NRROS: variants seen among roughly 807,000 people sequenced by gnomAD.
The protein encoded by NRROS is negative regulator of reactive oxygen species, also known as transforming growth factor beta activator LRRC33.
In NRROS, 6 loss-of-function variants were observed where a neutral mutation model predicts 12.0. The observed-to-expected ratio is 0.50, with a 90% CI of 0.27 to 0.98. The LOEUF (loss-of-function observed/expected upper bound fraction) is 0.98. Ranked by LOEUF, NRROS falls within the 50% of genes least tolerant of loss-of-function variation. NRROS has a pLI of 0.11. For missense variants in NRROS, 857 were observed against 888.2 expected (o/e 0.96, Z 0.45); for synonymous variants, 462 against 410.2 (o/e 1.13, Z -1.53).
Position 196,660,313 on chromosome 3 carries a change from G to A in NRROS, c.670G>A (p.Gly224Arg), listed in dbSNP as rs761640441. ...FNNLPCIVDF[G>R]LTRLRVLNVS... ...CAACCTCCCCTGCATCGTGGACTTC[G>A]GGCTCACGCGGCTGCGGGTCCTCAA... The change falls in exon 3 of 3, where the codon GGG becomes AGG. Residue 224 changes from glycine (G) to arginine (R), a missense_variant. Transcript: ENST00000328557. The surrounding 1 kb of genome is among the most constrained non-coding windows in gnomAD (Gnocchi z 7.7). The A allele has an allele frequency of 4.3e-6, 7 of 1,613,812 alleles. No homozygotes were observed. The African/African-American group carries it at 6.7e-5, about 15-fold the overall frequency.
chr3:196,642,677 A>G (rs910991396), intron 1 of NRROS, among the ~76,000 whole-genome samples: 18 of 152,328 alleles, frequency 1.2e-4, no homozygotes, highest in African/African-American at 4.1e-4. Flanking sequence ...AGCTGGGATC[A>G]GACCCGAACA....
chr3:196,649,642 T>G lies in NRROS; in HGVS notation c.-13-4885T>G, dbSNP rs182324967. Among the ~76,000 whole-genome samples the G allele has an allele frequency of 2.0e-4, 31 of 152,214 alleles. 1 individual carries two copies. The highest frequency in any genetic ancestry group is 8.5e-4 in the Admixed American group (13 of 15,294). On this transcript the variant is annotated intron_variant, in intron 1 of 2. Coordinates refer to ENST00000328557, the MANE Select transcript of NRROS (RefSeq NM_198565.3). ...GCCCGCCACCGCGCCCGGCTAATTT[T>G]TTGTATTTTTAGTAGAGACGGGGTT...
rs542462453 is a variant in NRROS at position 196,661,609 on chromosome 3, A to C, written c.1966A>C (p.Ile656Leu). 6.2e-7 allele frequency: 1 copy of C among 1,613,376 alleles called. No individual in the cohort carries two copies. The highest frequency in any genetic ancestry group is 1.1e-5 in the South Asian group (1 of 91,078). Residue 656 changes from isoleucine (I) to leucine (L), a missense_variant, in exon 3 of 3, where the codon ATC becomes CTC. Ile to Leu is a conservative substitution (Grantham distance 5). Coordinates refer to ENST00000328557, the MANE Select transcript of NRROS (RefSeq NM_198565.3). ...LDLGLLYLVLILPSCLTLLVA... is the reference protein window; with the variant it reads ...LDLGLLYLVLLLPSCLTLLVA... ...CCTGGGCCTGCTCTACCTCGTGCTCATCCTCCCCAGCTGCCTCACCCTGCT... is the reference window on the plus strand; with the variant it reads ...CCTGGGCCTGCTCTACCTCGTGCTCCTCCTCCCCAGCTGCCTCACCCTGCT...
chr3:196,661,897 T>C lies in NRROS; in HGVS notation c.*175T>C, dbSNP rs999452052. On this transcript the variant is annotated 3_prime_UTR_variant, in exon 3 of 3. Coordinates refer to ENST00000328557, the MANE Select transcript of NRROS (RefSeq NM_198565.3). ...CCCCCGCCCCCACCACCGCCCAAGT[T>C]CTTTTTCCATCATTATAATTCATCC... 9.3e-5 allele frequency: 37 copies of C among 398,114 alleles called. No individual in the cohort carries two copies. Among genetic ancestry groups the C allele is most frequent in the Non-Finnish European group, 1.2e-4 (30 of 242,632 alleles). The allele number at this position is 398,114 out of a possible 1,614,324, so 24.7% of individuals were successfully genotyped here. A position where few individuals can be genotyped will look rare whatever the true frequency, so the allele number is the denominator to read the frequency against.
At chr3:196,653,678 G>A (rs1368385221) in intron 1 of NRROS, among the ~76,000 whole-genome samples, 1 of 152,238 alleles carries the variant, frequency 6.6e-6, no homozygotes, top group East Asian at 1.9e-4. Flanking sequence ...AGGCGGGGCT[G>A]CTCTTAGCCC....
At chr3:196,658,622 C>T (rs1289108860) in intron 2 of NRROS, among the ~76,000 whole-genome samples, 2 of 152,174 alleles carry the variant, frequency 1.3e-5, no homozygotes, top group East Asian at 3.8e-4. Context: ...CCTTGTATTA[C>T]TGATAAACTT....
rs372967822 is a variant in NRROS at position 196,660,199 on chromosome 3, C to G, written c.556C>G (p.Leu186Val). Residue 186 changes from leucine (L) to valine (V), a missense_variant, in exon 3 of 3, where the codon CTG becomes GTG. Leu to Val is a conservative substitution (Grantham distance 32). Coordinates refer to ENST00000328557, the MANE Select transcript of NRROS (RefSeq NM_198565.3). The surrounding 1 kb of genome is among the most constrained non-coding windows in gnomAD (Gnocchi z 7.7). ...CGAGGGCCTGGAGCGTCTCCGGGAG[C>G]TGGATCTGCAGAGGAACTACATCTT... is the stretch of plus-strand genomic sequence containing the variant. Reference protein sequence around the residue: ...VFEGLERLRELDLQRNYIFEI... With the variant: ...VFEGLERLREVDLQRNYIFEI... 1 of 1,613,322 alleles carries G rather than the reference C, an allele frequency of 6.2e-7. No individual in the cohort carries two copies. Among genetic ancestry groups the G allele is most frequent in the East Asian group, 2.2e-5 (1 of 44,886 alleles).
intron 1 of NRROS, among the ~76,000 whole-genome samples, chr3:196,646,912 A>G (rs575128521): frequency 2.6e-5 from 4 of 152,300 alleles, no homozygotes; most frequent in African/African-American, 7.2e-5. Flanking sequence ...TCTGGCCTGC[A>G]TATTCTTTTA....
chr3:196,656,254 T>C (rs572973316), intron 2 of NRROS, among the ~76,000 whole-genome samples: 33 of 152,360 alleles, frequency 2.2e-4, no homozygotes, highest in South Asian at 8.3e-4. Context: ...AAATTGGATG[T>C]CAGGGCTAAC....
rs1737624567 is a variant in NRROS, at chr3:196,659,901, C to T, written c.258C>T (p.Leu86=). ...AGCCTTACCCTCTCCTGGAGAGCCT[C>T]AGCCTGCACAGCTGCCACCTGGAGC... ...SLQPYPLLES[L]SLHSCHLERI... Residue 86 remains leucine, a synonymous_variant, in exon 3 of 3, where the codon CTC becomes CTT. Transcript: ENST00000328557. 3 of 1,614,150 alleles carry T rather than the reference C, an allele frequency of 1.9e-6. No homozygotes were observed. In the South Asian group the frequency reaches 3.3e-5, roughly 18 times the overall value.
chr3:196,648,641 C>G (rs1180527017), intron 1 of NRROS, among the ~76,000 whole-genome samples: 1 of 151,796 alleles, frequency 6.6e-6, no homozygotes, highest in Non-Finnish European at 1.5e-5. Flanking sequence ...TGGTGCATGC[C>G]TGTAATCCCA....
At chr3:196,659,475 T>C (rs1464316045) in intron 2 of NRROS, among the ~76,000 whole-genome samples, 1 of 151,762 alleles carries the variant, frequency 6.6e-6, no homozygotes, top group African/African-American at 2.4e-5. Context: ...ACCCGGCTAG[T>C]TTTTTGTATT....
Position 196,654,832 on chromosome 3 carries a change from T to G in NRROS, c.108+185T>G. On this transcript the variant is annotated intron_variant, in intron 2 of 2. Coordinates refer to ENST00000328557, the MANE Select transcript of NRROS (RefSeq NM_198565.3). This position sits in a 1 kb window ranked among gnomAD's most constrained non-coding sequence, Gnocchi z 4.4. ...AACCACAGGATTTTAAGATGCTTCC[T>G]GGGAAGAGCCAGGCAGTCCCTGCCC... The G allele has an allele frequency of 3.5e-6, 2 of 568,196 alleles. No individual in the cohort carries two copies. Among genetic ancestry groups the G allele is most frequent in the East Asian group, 3.0e-5 (1 of 33,164 alleles). 35.2% of individuals were successfully genotyped at this position (568,196 alleles called of 1,614,324 possible).
At chr3:196,648,613 A>C (rs1050959087) in intron 1 of NRROS, among the ~76,000 whole-genome samples, 3 of 151,922 alleles carry the variant, frequency 2.0e-5, no homozygotes, top group Non-Finnish European at 4.4e-5. Flanking sequence ...CTAAAAATAC[A>C]AAATTAGCCA....
intron 2 of NRROS, among the ~76,000 whole-genome samples, chr3:196,657,317 G>A (rs558821280): frequency 3.1e-4 from 47 of 152,140 alleles, no homozygotes; most frequent in Non-Finnish European, 4.9e-4. Flanking sequence ...TGTGACCCAC[G>A]ACTGCAGCAG....
At chr3:196,657,161 G>A (rs1300891610) in intron 2 of NRROS, among the ~76,000 whole-genome samples, 7 of 150,240 alleles carry the variant, frequency 4.7e-5, no homozygotes, top group African/African-American at 1.2e-4. Flanking sequence ...CTGAGATCGC[G>A]CCACTGCACT....
At chr3:196,651,213 C>G (rs116224168) in intron 1 of NRROS, among the ~76,000 whole-genome samples, 513 of 152,320 alleles carry the variant, frequency 3.4e-3, no homozygotes, top group African/African-American at 0.011. Context: ...TCAATGGTCA[C>G]TATTTTGAAA....
chr3:196,657,305 G>T (rs534396062), intron 2 of NRROS, among the ~76,000 whole-genome samples: 2 of 152,196 alleles, frequency 1.3e-5, no homozygotes, highest in South Asian at 2.1e-4. Context: ...GAATTGCAGA[G>T]GTGTGACCCA....
Position 196,643,001 on chromosome 3 carries a change from C to T in NRROS, c.-14+3126C>T, listed in dbSNP as rs187851078. 1.6e-3 allele frequency among the ~76,000 whole-genome samples: 243 copies of T among 148,386 alleles called. 2 individuals carry two copies. The highest frequency in any genetic ancestry group is 5.8e-3 in the African/African-American group (232 of 40,232). On this transcript the variant is annotated intron_variant, in intron 1 of 2. Coordinates refer to ENST00000328557, the MANE Select transcript of NRROS (RefSeq NM_198565.3). ...AGGAGAGTCGCTTGAACCTTGGAGG[C>T]GGAGGTTGCAGTGAGCCGAGATGAT...
Sources: allele counts gnomAD v4.1 joint callset (sites outside exome capture counted in the v4.1 genomes callset), GRCh38; gene constraint gnomAD v4.1.1; non-coding constraint Gnocchi (gnomAD v3.1); transcripts MANE v1.5; gene names NCBI Gene and HGNC (gene_info 2026-07-23, HGNC 2026-07-21).